The following ARMC9 variants were observed in gnomAD, a reference collection of about 807,000 sequenced individuals.
The protein encoded by ARMC9 is armadillo repeat containing 9, also known as lisH domain-containing protein ARMC9.
In ARMC9, 94 loss-of-function variants were observed where a neutral mutation model predicts 107.0. The ratio of observed to expected loss-of-function variants is 0.88; its 90% confidence interval spans 0.74 to 1.04. The LOEUF (loss-of-function observed/expected upper bound fraction) is 1.04, where lower values mean the gene tolerates loss of function less well. Ranked by LOEUF, ARMC9 falls within the 50% of genes least tolerant of loss-of-function variation. The pLI, the probability that ARMC9 is intolerant of heterozygous loss-of-function variation, is 0.00. For synonymous variants in ARMC9, 380 were observed against 396.9 expected (o/e 0.96, Z 0.51); for missense variants, 942 against 1,030.1 (o/e 0.91, Z 1.17).
At chr2:231,357,994 T>C (rs940538547) in intron 22 of ARMC9, among the ~76,000 whole-genome samples, 3 of 152,182 alleles carry the variant, frequency 2.0e-5, no homozygotes, top group Admixed American at 2.0e-4. Context: ...TAGATTCCAT[T>C]CTGACCTTCT....
chr2:231,227,309 G>T (rs190349568), intron 7 of ARMC9, among the ~76,000 whole-genome samples: 26 of 152,296 alleles, frequency 1.7e-4, no homozygotes, highest in African/African-American at 6.0e-4. Flanking sequence ...TACCAGAACT[G>T]TTCACTTTTG....
chr2:231,203,128 C>G (rs2031347670), intron 1 of ARMC9, among the ~76,000 whole-genome samples: 1 of 152,050 alleles, frequency 6.6e-6, no homozygotes, highest in Non-Finnish European at 1.5e-5. Flanking sequence ...GTCGAGCCAC[C>G]CTTCGTGTTT....
rs192215504 is a variant in ARMC9 at position 231,218,263 on chromosome 2, C to A, written c.504+1470C>A. Among the ~76,000 whole-genome samples, 904 of 152,086 alleles carry A rather than the reference C, an allele frequency of 5.9e-3. 14 individuals carry two copies. The highest frequency in any genetic ancestry group is 0.02 in the African/African-American group (834 of 41,460). ...ATTCTAGATTTAGTTTTACCTACTT[C>A]CTCTCCCAGAAGGTTGAAGAAAAAA... On this transcript the variant is annotated intron_variant, in intron 5 of 24. Transcript: ENST00000611582.
intron 6 of ARMC9, among the ~76,000 whole-genome samples, chr2:231,224,329 A>G (rs1433623413): frequency 6.6e-6 from 1 of 152,140 alleles, no homozygotes; most frequent in Non-Finnish European, 1.5e-5. Flanking sequence ...CCATATGACT[A>G]TAGTCCCAGC....
chr2:231,352,497 A>ATTTT lies in ARMC9; in HGVS notation c.1995-3298_1995-3295dup, dbSNP rs543360628. On this transcript the variant is annotated intron_variant, in intron 21 of 24. Coordinates refer to ENST00000611582, the MANE Select transcript of ARMC9 (RefSeq NM_001352754.2). ...TTTTATTTTATTTTTTTATTTATTTATTTTTTAGTAGAGACGGGTTTTCAC... is the reference window on the plus strand; with the variant it reads ...TTTTATTTTATTTTTTTATTTATTTATTTTTTTTTTAGTAGAGACGGGTTTTCAC... Among the ~76,000 whole-genome samples the ATTTT allele has an allele frequency of 8.1e-3, 1,230 of 150,926 alleles. 14 individuals carry two copies. Among genetic ancestry groups the ATTTT allele is most frequent in the African/African-American group, 0.028 (1,166 of 41,026 alleles).
chr2:231,269,045 A>G (rs879760511), intron 12 of ARMC9, among the ~76,000 whole-genome samples: 1 of 152,210 alleles, frequency 6.6e-6, no homozygotes, highest in Non-Finnish European at 1.5e-5. Context: ...ATCCTGGGCA[A>G]CAAAGTGAGA....
chr2:231,213,677 A>T (rs1016809210), intron 3 of ARMC9, among the ~76,000 whole-genome samples: 1 of 151,844 alleles, frequency 6.6e-6, no homozygotes, highest in African/African-American at 2.4e-5. Context: ...GGGTTTCATC[A>T]TGTTGATCAG....
At chr2:231,352,159 G>A (rs1249164070) in intron 21 of ARMC9, among the ~76,000 whole-genome samples, 6 of 151,692 alleles carry the variant, frequency 4.0e-5, no homozygotes, top group African/African-American at 1.5e-4. Flanking sequence ...TAGAGATAGG[G>A]TCTCACTATG....
chr2:231,325,453 T>TA (rs2043262472), intron 19 of ARMC9, among the ~76,000 whole-genome samples: 1 of 152,192 alleles, frequency 6.6e-6, no homozygotes, highest in African/African-American at 2.4e-5. Flanking sequence ...TTTTGTTTCT[T>TA]AATGTTTCGT....
At chr2:231,250,705 G>A (rs964630939) in intron 9 of ARMC9, among the ~76,000 whole-genome samples, 1 of 152,158 alleles carries the variant, frequency 6.6e-6, no homozygotes, top group Non-Finnish European at 1.5e-5. Flanking sequence ...GGTGACTAAA[G>A]CCTTGCGGGG....
At position 231,215,282 on chromosome 2, in the gene ARMC9, T is replaced by A. The variant is rs1224030373; in HGVS notation, c.348+281T>A. 7.4e-5 allele frequency: 24 copies of A among 323,792 alleles called. No individual in the cohort carries two copies. The Admixed American group carries it at 1.0e-3, about 14-fold the overall frequency. The allele number at this position is 323,792 out of a possible 1,614,324, so 20.1% of individuals were successfully genotyped here. A position where few individuals can be genotyped will look rare whatever the true frequency, so the allele number is the denominator to read the frequency against. ...AAATAAAGTTTATTTGGCAACTTAG[T>A]ATGTAGGCGTGTATGTCTAAGAGAA... On this transcript the variant is annotated intron_variant, in intron 4 of 24. Transcript: ENST00000611582.
At chr2:231,346,994 G>A (rs1385466522) in intron 21 of ARMC9, among the ~76,000 whole-genome samples, 1 of 152,128 alleles carries the variant, frequency 6.6e-6, no homozygotes, top group Non-Finnish European at 1.5e-5. Context: ...TTCATGAGAG[G>A]CAACAATGAC....
chr2:231,290,554 G>A (rs537239896), intron 17 of ARMC9, among the ~76,000 whole-genome samples: 1 of 152,180 alleles, frequency 6.6e-6, no homozygotes, highest in African/African-American at 2.4e-5. Context: ...TAGAGGCCTC[G>A]TCAGCTCAAG....
At chr2:231,339,929 G>A (rs894011271) in intron 20 of ARMC9, among the ~76,000 whole-genome samples, 3 of 152,184 alleles carry the variant, frequency 2.0e-5, no homozygotes, top group Non-Finnish European at 2.9e-5. Context: ...GTGAAACTCT[G>A]TCTCAACCAC....
At position 231,285,538 on chromosome 2, in the gene ARMC9, C is replaced by T. The variant is rs6746358; in HGVS notation, c.1626+3405C>T. On this transcript the variant is annotated intron_variant, in intron 17 of 24. Transcript: ENST00000611582. The stretch of plus-strand genomic sequence containing the variant: ...GTGGGCGCCGATAATCCCAGCTACT[C>T]GGGAGGCTGAGGCAGGAGAATCGCT... Among the ~76,000 whole-genome samples the T allele has an allele frequency of 1.0e-3, 158 of 151,308 alleles. 1 individual carries two copies. The highest frequency in any genetic ancestry group is 3.7e-3 in the African/African-American group (152 of 41,188).
In ARMC9 at chr2:231,278,386, G is replaced by A. The variant is rs2039939142; in HGVS notation, c.1479G>A (p.Lys493=). Residue 493 remains lysine (K), a synonymous_variant, in exon 16 of 25, where the codon AAG becomes AAA. Transcript: ENST00000611582. ...GCTTTGATTTGTTTCCCATAGGGAAGAACATGTGTGCCAAGGTGGCAGGCC... is the reference window on the plus strand; with the variant it reads ...GCTTTGATTTGTTTCCCATAGGGAAAAACATGTGTGCCAAGGTGGCAGGCC... The part of the protein sequence containing the change: ...LMNLCLRSTG[K]NMCAKVAGLV... 1 of 1,614,008 alleles carries A rather than the reference G, an allele frequency of 6.2e-7. No individual in the cohort carries two copies. The highest frequency in any genetic ancestry group is 1.3e-5 in the African/African-American group (1 of 74,936).
At position 231,376,222 on chromosome 2, in the gene ARMC9, A is replaced by G. The variant is rs1403256500; in HGVS notation, c.*4687A>G. Among the ~76,000 whole-genome samples, 2 of 152,232 alleles carry G rather than the reference A, an allele frequency of 1.3e-5. No homozygotes were observed. On this transcript the variant is annotated 3_prime_UTR_variant, in exon 25 of 25. Coordinates refer to ENST00000611582, the MANE Select transcript of ARMC9 (RefSeq NM_001352754.2). ...TATGAAATCTGAGCACCTTGAAAAA[A>G]GAACAGGGTAACAGCAATTGTTCAG...
chr2:231,360,170 T>C lies in ARMC9; in HGVS notation c.2132-584T>C, dbSNP rs528850694. 6.6e-6 allele frequency among the ~76,000 whole-genome samples: 1 copy of C among 152,178 alleles called. No homozygotes were observed. The highest frequency in any genetic ancestry group is 1.5e-5 in the Non-Finnish European group (1 of 67,992). On this transcript the variant is annotated intron_variant, in intron 22 of 24. Transcript: ENST00000611582. This position sits in a 1 kb window ranked among gnomAD's most constrained non-coding sequence, Gnocchi z 4.7. ...ATGCTATCTGGGATTCTCCGTCTGC[T>C]TCCCCGTGAAGGGCTCCTGCGTGTC... is the stretch of plus-strand genomic sequence containing the variant.
chr2:231,205,085 T>C (rs1474165721), intron 1 of ARMC9, among the ~76,000 whole-genome samples: 1 of 151,920 alleles, frequency 6.6e-6, no homozygotes, highest in African/African-American at 2.4e-5. Context: ...AGAAGAGATC[T>C]GACTGAGTGT....
Sources: gnomAD v4.1 joint callset for allele counts (sites outside exome capture counted in the v4.1 genomes callset) on GRCh38, gnomAD v4.1.1 for gene constraint, Gnocchi (gnomAD v3.1) non-coding constraint, MANE v1.5 for transcripts, NCBI Gene and HGNC (gene_info 2026-07-23, HGNC 2026-07-21) for gene names.